Variants in ARID4A observed in about 807,000 individuals in gnomAD.
ARID4A encodes the protein AT-rich interaction domain 4A, also known as AT-rich interactive domain-containing protein 4A.
A neutral mutation model predicts 148.6 loss-of-function variants in ARID4A; 39 were observed. The observed-to-expected ratio is 0.26, with a 90% CI of 0.20 to 0.34. The LOEUF is 0.34. Among genes scored for constraint, ARID4A ranks in the 10% least tolerant of loss-of-function variants. The pLI, the probability that ARID4A is intolerant of heterozygous loss-of-function variation, is 1.00. For missense variants in ARID4A, 1,265 were observed against 1,449.1 expected, an observed-to-expected ratio of 0.87 and a Z score of 2.06; for synonymous variants, 475 against 481.2, an observed-to-expected ratio of 0.99 and a Z score of 0.17.
intron 17 of ARID4A, among the ~76,000 whole-genome samples, chr14:58,357,786 C>G (rs2034952808): frequency 1.3e-5 from 2 of 152,070 alleles, no homozygotes. Flanking sequence ...TAGATTTTGA[C>G]TTAATTCTGT....
At chr14:58,371,832 G>T in intron 23 of ARID4A, 54 bp from the exon 24 acceptor site, 1 of 1,307,542 alleles carries the variant, frequency 7.6e-7, no homozygotes, top group Non-Finnish European at 1.1e-6. Context: ...GCTGTTAGCT[G>T]GGTATCTTTG....
At chr14:58,320,291 C>G (rs2032784232) in intron 7 of ARID4A, among the ~76,000 whole-genome samples, 2 of 151,954 alleles carry the variant, frequency 1.3e-5, no homozygotes, top group Non-Finnish European at 2.9e-5. Flanking sequence ...TTTTTCTGAA[C>G]TATTTGAGAG....
intron 23 of ARID4A, among the ~76,000 whole-genome samples, chr14:58,368,588 A>T (rs531831854): frequency 6.7e-6 from 1 of 149,322 alleles, no homozygotes; most frequent in African/African-American, 2.4e-5. Flanking sequence ...GTACCATATT[A>T]AAAAAAAAAT....
intron 7 of ARID4A, among the ~76,000 whole-genome samples, chr14:58,319,633 C>T (rs1387717589): frequency 7.6e-6 from 1 of 132,258 alleles, no homozygotes; most frequent in African/African-American, 2.9e-5. Context: ...GCAACTTTTG[C>T]CTCCCAGGTT....
chr14:58,302,580 C>A (rs529426446), intron 3 of ARID4A, among the ~76,000 whole-genome samples: 3 of 152,182 alleles, frequency 2.0e-5, no homozygotes, highest in Admixed American at 1.3e-4. Context: ...ATCGCTTGAA[C>A]CCAGGAGGTG....
chr14:58,302,607 G>A (rs568857368), intron 3 of ARID4A, among the ~76,000 whole-genome samples: 4 of 152,054 alleles, frequency 2.6e-5, no homozygotes, highest in East Asian at 1.9e-4. Context: ...GCAGTGAGCC[G>A]AAATCACACC....
chr14:58,299,667 C>T (rs963701523), intron 1 of ARID4A, 131 bp from the exon 2 acceptor site: 14 of 728,406 alleles, frequency 1.9e-5, no homozygotes, highest in South Asian at 3.4e-5. Flanking sequence ...TGGCTGCCCT[C>T]GTAAGGGGTC....
intron 17 of ARID4A, among the ~76,000 whole-genome samples, chr14:58,357,621 T>TC (rs2034941743): frequency 2.0e-5 from 3 of 151,136 alleles, no homozygotes; most frequent in African/African-American, 7.3e-5. Context: ...ATGGTTTTTT[T>TC]TTTTTTTTTT....
chr14:58,304,836 C>A, intron 3 of ARID4A, 108 bp from the exon 4 acceptor site: 1 of 929,530 alleles, frequency 1.1e-6, no homozygotes, highest in Non-Finnish European at 1.7e-6. Flanking sequence ...CAGGGGTCAC[C>A]ACATGGTGCT....
intron 11 of ARID4A, among the ~76,000 whole-genome samples, chr14:58,332,608 C>T (rs1467833671): frequency 6.6e-6 from 1 of 151,988 alleles, no homozygotes; most frequent in Admixed American, 6.6e-5. Context: ...CTGAAAAGCA[C>T]TTTATATACA....
intron 7 of ARID4A, among the ~76,000 whole-genome samples, chr14:58,322,980 A>AAAAAAAAAAT (rs1255021613): frequency 2.6e-5 from 3 of 114,282 alleles, no homozygotes; most frequent in African/African-American, 7.1e-5. Flanking sequence ...AAAAAAAAAA[A>AAAAAAAAAAT]ATATATATAT....
chr14:58,308,948 C>A (rs2031811466), intron 5 of ARID4A, among the ~76,000 whole-genome samples: 1 of 152,124 alleles, frequency 6.6e-6, no homozygotes, highest in Admixed American at 6.5e-5. Flanking sequence ...CATTAGTGAT[C>A]TAAAGTTATC....
At chr14:58,310,324 T>TG (rs1442913391) in intron 5 of ARID4A, among the ~76,000 whole-genome samples, 5 of 152,172 alleles carry the variant, frequency 3.3e-5, no homozygotes, top group African/African-American at 1.2e-4. Flanking sequence ...AAAGCAATCT[T>TG]GATCAAGAAG....
rs1250303427 is a variant in ARID4A at position 58,347,858 on chromosome 14, A to G, written c.1384A>G (p.Ile462Val). Reference protein sequence around the residue: ...DSNSESEREEIELKSPRGRRR... With the variant: ...DSNSESEREEVELKSPRGRRR... ...AAACAGTGAAAGTGAAAGAGAAGAG[A>G]TAGAATTAAAATCTCCGAGGGTGAG... Residue 462 changes from isoleucine (I) to valine (V), a missense_variant, in exon 15 of 24, where the codon ATA (isoleucine) becomes GTA (valine). Around this residue, in one of 9 missense-constraint regions of ARID4A, gnomAD observed 205 missense variants for 196.9 expected, o/e 1.04. Transcript: ENST00000355431. 1.2e-6 allele frequency: 2 copies of G among 1,611,520 alleles called. No individual in the cohort carries two copies. The highest frequency in any genetic ancestry group is 2.2e-5 in the East Asian group (1 of 44,814).
chr14:58,329,739 T>C (rs2033415225), intron 10 of ARID4A, 135 bp downstream of exon 10: 1 of 968,344 alleles, frequency 1.0e-6, no homozygotes, highest in African/African-American at 1.7e-5. Context: ...ACTTGATTTT[T>C]TTTTAATGTC....
chr14:58,339,457 C>T (rs1429080828), intron 11 of ARID4A, among the ~76,000 whole-genome samples: 1 of 152,110 alleles, frequency 6.6e-6, no homozygotes, highest in African/African-American at 2.4e-5. Context: ...AGGAAACTAT[C>T]CCAAGCCACC....
At chr14:58,359,931 T>G (rs2035058287) in intron 18 of ARID4A, among the ~76,000 whole-genome samples, 1 of 152,102 alleles carries the variant, frequency 6.6e-6, no homozygotes, top group Non-Finnish European at 1.5e-5. Context: ...CCGGTCGTGG[T>G]GGCCGGCGCC....
chr14:58,357,008 AT>A (rs1164238769), intron 17 of ARID4A, among the ~76,000 whole-genome samples: 2 of 151,584 alleles, frequency 1.3e-5, no homozygotes, highest in Non-Finnish European at 1.5e-5. Flanking sequence ...CTAAATTTGG[AT>A]TTTTTTTCCT....
intron 3 of ARID4A, chr14:58,303,640 A>C (rs539619772): frequency 2.3e-6 from 1 of 443,480 alleles, no homozygotes; most frequent in Non-Finnish European, 4.8e-6. Context: ...TGAATGAATC[A>C]GTGAACTAGA....
Sources: gnomAD v4.1 joint callset for allele counts (sites outside exome capture counted in the v4.1 genomes callset) on GRCh38, gnomAD v4.1.1 for gene constraint, gnomAD v4.1.1 regional missense constraint, MANE v1.5 for transcripts, NCBI Gene and HGNC (gene_info 2026-07-23, HGNC 2026-07-21) for gene names.